The following COPG2 variants were observed in gnomAD, a reference collection of about 807,000 sequenced individuals.
COPG2 encodes coat protein complex I subunit gamma 2.
Under a neutral mutation model 46.3 loss-of-function variants are expected in COPG2, and 37 were observed. That is an observed-to-expected ratio of 0.80 (90% CI 0.61 to 1.05). The LOEUF (loss-of-function observed/expected upper bound fraction) is 1.05. Ranked by LOEUF, COPG2 falls within the 50% of genes least tolerant of loss-of-function variation. The pLI is 0.00. For synonymous variants in COPG2, 159 were observed against 129.7 expected, an observed-to-expected ratio of 1.23 and a Z score of -1.53; for missense variants, 427 against 387.8, an observed-to-expected ratio of 1.10 and a Z score of -0.85.
chr7:130,611,801 G>A (rs886614508), intron 8 of COPG2, among the ~76,000 whole-genome samples: 5 of 152,054 alleles, frequency 3.3e-5, no homozygotes, highest in African/African-American at 4.8e-5. Context: ...AAGCTGCTCC[G>A]TATGATTTTT....
chr7:130,644,485 C>T (rs1407099334), intron 5 of COPG2, among the ~76,000 whole-genome samples: 3 of 152,150 alleles, frequency 2.0e-5, no homozygotes, highest in Non-Finnish European at 4.4e-5. Flanking sequence ...CAAATAGCAA[C>T]TAAAAATGAC....
At position 130,564,336 on chromosome 7, in the gene COPG2, C is replaced by G; in HGVS notation, c.795G>C (p.Met265Ile). 1 of 398,562 alleles carries G rather than the reference C, an allele frequency of 2.5e-6. No homozygotes were observed. Among genetic ancestry groups the G allele is most frequent in the Non-Finnish European group, 4.4e-6 (1 of 226,030 alleles). The allele number at this position is 398,562 out of a possible 1,614,324, so 24.7% of individuals were successfully genotyped here. A position where few individuals can be genotyped will look rare whatever the true frequency, so the allele number is the denominator to read the frequency against. ...IESCLRNKHE[M>I]VIYEAASAII... ...TAGCTGAAGCAGCTTCATAAATAACCATTTCATGTTTATTTCGCAAGCAGC... is the reference window on the plus strand; with the variant it reads ...TAGCTGAAGCAGCTTCATAAATAACGATTTCATGTTTATTTCGCAAGCAGC... The change falls in exon 10 of 24, where the codon ATG (methionine) becomes ATC (isoleucine). Residue 265 changes from methionine (M) to isoleucine (I), a missense_variant. Physicochemically the swap from Met to Ile is conservative, Grantham distance 10 (BLOSUM62 1). Transcript: ENST00000425248.
intron 14 of COPG2, among the ~76,000 whole-genome samples, chr7:130,553,144 T>C (rs1340475885): frequency 6.6e-6 from 1 of 152,162 alleles, no homozygotes; most frequent in African/African-American, 2.4e-5. Context: ...GAATGGCCCC[T>C]GCCCAGAGAA....
intron 9 of COPG2, among the ~76,000 whole-genome samples, chr7:130,580,016 C>T (rs1554446865): frequency 6.7e-6 from 1 of 149,972 alleles, no homozygotes; most frequent in Non-Finnish European, 1.5e-5. Flanking sequence ...CTACAGAACT[C>T]TCCACCCCAA....
chr7:130,591,993 A>G (rs1210548061), intron 9 of COPG2, among the ~76,000 whole-genome samples: 1 of 152,180 alleles, frequency 6.6e-6, no homozygotes, highest in Non-Finnish European at 1.5e-5. Context: ...GAGAAATCGG[A>G]TGGTTGCCGT....
chr7:130,595,947 C>A (rs1162765207), intron 9 of COPG2, among the ~76,000 whole-genome samples: 3 of 152,224 alleles, frequency 2.0e-5, no homozygotes, highest in Non-Finnish European at 4.4e-5. Flanking sequence ...CTGCTACTTT[C>A]TTCCTTGTTC....
At chr7:130,601,890 GGA>G (rs1794639647) in intron 9 of COPG2, among the ~76,000 whole-genome samples, 2 of 124,056 alleles carry the variant, frequency 1.6e-5, no homozygotes, top group African/African-American at 2.8e-5. Flanking sequence ...AAGCAAAGAA[GGA>G]AGGAAGGAAG....
At chr7:130,647,433 C>A (rs963418221) in intron 5 of COPG2, among the ~76,000 whole-genome samples, 3 of 152,094 alleles carry the variant, frequency 2.0e-5, no homozygotes, top group African/African-American at 7.2e-5. Flanking sequence ...TTTGAAGAAC[C>A]CTCATAAGGC....
intron 5 of COPG2, 34 bp downstream of exon 5, chr7:130,652,835 A>C (rs1339689630): frequency 3.2e-5 from 43 of 1,324,376 alleles, no homozygotes; most frequent in Non-Finnish European, 4.5e-5. Flanking sequence ...CAAATATATA[A>C]GTATCTCATC....
intron 9 of COPG2, among the ~76,000 whole-genome samples, chr7:130,569,275 TAGTTC>T (rs1484064629): frequency 1.3e-5 from 2 of 152,050 alleles, no homozygotes; most frequent in Non-Finnish European, 2.9e-5. Flanking sequence ...AACAAAAAGC[TAGTTC>T]TTTGAAGATA....
intron 9 of COPG2, among the ~76,000 whole-genome samples, chr7:130,592,771 T>C (rs1273801059): frequency 6.6e-6 from 1 of 152,172 alleles, no homozygotes; most frequent in Non-Finnish European, 1.5e-5. Context: ...CAGCCTCTGA[T>C]TATACCAGGG....
At chr7:130,637,056 T>A (rs570987626) in intron 5 of COPG2, among the ~76,000 whole-genome samples, 2 of 152,316 alleles carry the variant, frequency 1.3e-5, no homozygotes, top group East Asian at 3.9e-4. Flanking sequence ...TGGCCCCCAC[T>A]CTCTTCTGGC....
At chr7:130,668,530 G>GGCGCCC in intron 1 of COPG2, 102 bp downstream of exon 1, 1 of 1,089,146 alleles carries the variant, frequency 9.2e-7, no homozygotes, top group Non-Finnish European at 1.2e-6. Context: ...CTGGCACGGC[G>GGCGCCC]GCGCCCACGC....
chr7:130,594,125 T>G (rs1161096601), intron 9 of COPG2, among the ~76,000 whole-genome samples: 6 of 151,862 alleles, frequency 4.0e-5, no homozygotes, highest in Non-Finnish European at 8.8e-5. Flanking sequence ...TGGGTAAAAC[T>G]CAAACAAATA....
chr7:130,591,030 C>G (rs1386577222), intron 9 of COPG2, among the ~76,000 whole-genome samples: 1 of 151,042 alleles, frequency 6.6e-6, no homozygotes, highest in East Asian at 2.0e-4. Flanking sequence ...CAGCCACCCC[C>G]TCCAGGAGGG....
chr7:130,508,551 G>C lies in COPG2; in HGVS notation c.2247+11C>G. 1.3e-6 allele frequency: 1 copy of C among 770,492 alleles called. No homozygotes were observed. Among genetic ancestry groups the C allele is most frequent in the Non-Finnish European group, 2.4e-6 (1 of 413,348 alleles). The allele number at this position is 770,492 out of a possible 1,614,324, so 47.7% of individuals were successfully genotyped here. A position where few individuals can be genotyped will look rare whatever the true frequency, so the allele number is the denominator to read the frequency against. Reference sequence around the variant, plus strand: ...GGTGTCAAAGAAAGTCTCTATGCTGGGAAGACTCACCACATACTCATCATC... The same window carrying C: ...GGTGTCAAAGAAAGTCTCTATGCTGCGAAGACTCACCACATACTCATCATC... On this transcript the variant is annotated intron_variant, in intron 21 of 23. Transcript: ENST00000425248.
Position 130,561,246 on chromosome 7 carries a change from T to A in COPG2, c.940-25A>T, listed in dbSNP as rs996780860. ...CCTTGTGGAAGGGCAAGAAAAAAAA[T>A]TAAGCAAATTGCTTTTGATAAAGGC... On this transcript the variant is annotated intron_variant, in intron 11 of 23. Coordinates refer to ENST00000425248, the MANE Select transcript of COPG2 (RefSeq NM_012133.6). The A allele has an allele frequency of 1.2e-4, 48 of 398,388 alleles. No homozygotes were observed. In the Admixed American group the frequency reaches 2.1e-3, roughly 17 times the overall value. 24.7% of individuals were successfully genotyped at this position (398,388 alleles called of 1,614,324 possible).
chr7:130,640,158 C>CTTTTTTTTT (rs11431866), intron 5 of COPG2, among the ~76,000 whole-genome samples: 1 of 96,456 alleles, frequency 1.0e-5, no homozygotes, highest in Non-Finnish European at 2.0e-5. Context: ...CACCACCAAC[C>CTTTTTTTTT]TTTTTTTTTT....
At chr7:130,653,399 A>T (rs1159988052) in intron 4 of COPG2, among the ~76,000 whole-genome samples, 3 of 152,168 alleles carry the variant, frequency 2.0e-5, no homozygotes, top group Middle Eastern at 3.2e-3. Flanking sequence ...AATTACAGGC[A>T]CTCACCACCA....
Sources: gnomAD v4.1 joint callset for allele counts (sites outside exome capture counted in the v4.1 genomes callset) on GRCh38, gnomAD v4.1.1 for gene constraint, MANE v1.5 for transcripts, NCBI Gene and HGNC (gene_info 2026-07-23, HGNC 2026-07-21) for gene names.